Variants in CHD6 observed in about 807,000 individuals in gnomAD.
CHD6 encodes the protein chromodomain helicase DNA binding protein 6.
In CHD6, 50 loss-of-function variants were observed where a neutral mutation model predicts 276.9. That is an observed-to-expected ratio of 0.18 (90% CI 0.14 to 0.23). CHD6 has a LOEUF of 0.23. Among genes scored for constraint, CHD6 ranks in the 10% least tolerant of loss-of-function variants. CHD6 has a pLI of 1.00. For synonymous variants in CHD6, 1,173 were observed against 1,229.3 expected, an observed-to-expected ratio of 0.95 and a Z score of 0.96; for missense variants, 2,564 against 3,365.8, an observed-to-expected ratio of 0.76 and a Z score of 5.89.
chr20:41,565,376 G>A lies in CHD6; in HGVS notation c.-23-14016C>T, dbSNP rs186472612. On this transcript the variant is annotated intron_variant, in intron 1 of 36. Coordinates refer to ENST00000373233, the MANE Select transcript of CHD6 (RefSeq NM_032221.5). ...CCCAAAGTGCTGGGATTACAGGCGT[G>A]AGCCACCGCGCCCAGCTGGATTCTT... Among the ~76,000 whole-genome samples the A allele has an allele frequency of 5.3e-3, 800 of 152,308 alleles. 13 individuals are homozygous for A. Among genetic ancestry groups the A allele is most frequent in the East Asian group, 0.038 (199 of 5,178 alleles).
At chr20:41,482,260 C>T (rs971870898) in intron 16 of CHD6, among the ~76,000 whole-genome samples, 1 of 152,074 alleles carries the variant, frequency 6.6e-6, no homozygotes, top group African/African-American at 2.4e-5. Context: ...GAATTGAAAG[C>T]TACAAAACTG....
intron 1 of CHD6, among the ~76,000 whole-genome samples, chr20:41,616,367 A>C (rs2045934669): frequency 6.6e-6 from 1 of 152,258 alleles, no homozygotes; most frequent in Non-Finnish European, 1.5e-5. Flanking sequence ...GCAGAATAAA[A>C]AACGTGACTC....
intron 25 of CHD6, among the ~76,000 whole-genome samples, chr20:41,442,060 G>A (rs1439744047): frequency 2.0e-5 from 3 of 152,168 alleles, no homozygotes; most frequent in Non-Finnish European, 2.9e-5. Context: ...CTAAGCCAAT[G>A]CTAATGGGGT....
At chr20:41,485,993 T>C (rs1438344733) in intron 14 of CHD6, 1 of 152,128 alleles carries the variant, frequency 6.6e-6, no homozygotes, top group Non-Finnish European at 1.5e-5. Context: ...TATATAAATA[T>C]TAAAAAGAAG....
chr20:41,412,869 G>A (rs1231035223), intron 35 of CHD6, among the ~76,000 whole-genome samples: 1 of 152,110 alleles, frequency 6.6e-6, no homozygotes, highest in African/African-American at 2.4e-5. Flanking sequence ...TAAAACTAAG[G>A]ACAGACCGTC....
intron 31 of CHD6, among the ~76,000 whole-genome samples, chr20:41,418,909 C>T (rs1167766168): frequency 6.6e-6 from 1 of 152,210 alleles, no homozygotes; most frequent in Non-Finnish European, 1.5e-5. Flanking sequence ...GCTGACGCTG[C>T]CATCAAAGGA....
Position 41,416,656 on chromosome 20 carries a change from G to C in CHD6, c.6418C>G (p.Leu2140Val). Residue 2140 changes from leucine to valine, a missense_variant, in exon 33 of 37, where the codon CTC becomes GTC. Leu to Val is a conservative substitution (Grantham distance 32, BLOSUM62 1). This residue lies in a region of CHD6 where 1,024 missense variants were observed against 1,047.9 expected (regional missense o/e 0.98). Transcript: ENST00000373233. ...LTSSAGSRTS[L>V]SEPEAAEHSF... Reference sequence around the variant, plus strand: ...TGTTCTGCTGCTTCCGGCTCTGAGAGGCTGGTTCGAGAACCAGCACTGCTG... The same window carrying C: ...TGTTCTGCTGCTTCCGGCTCTGAGACGCTGGTTCGAGAACCAGCACTGCTG... The C allele has an allele frequency of 6.2e-7, 1 of 1,614,024 alleles. No homozygotes were observed.
chr20:41,576,231 A>C (rs971080515), intron 1 of CHD6, among the ~76,000 whole-genome samples: 1 of 152,258 alleles, frequency 6.6e-6, no homozygotes, highest in African/African-American at 2.4e-5. Context: ...CTGTAATAAT[A>C]ATTACCAAAA....
intron 27 of CHD6, among the ~76,000 whole-genome samples, chr20:41,436,486 T>A (rs1271520968): frequency 2.0e-5 from 3 of 152,130 alleles, no homozygotes; most frequent in Non-Finnish European, 2.9e-5. Context: ...CATGTAACTA[T>A]CATATGACCC....
At chr20:41,428,738 A>C (rs2047441608) in intron 27 of CHD6, among the ~76,000 whole-genome samples, 1 of 152,240 alleles carries the variant, frequency 6.6e-6, no homozygotes, top group East Asian at 1.9e-4. Flanking sequence ...TTATGGAAAG[A>C]CTGCAGAATG....
At chr20:41,551,041 A>C (rs138297602) in intron 2 of CHD6, among the ~76,000 whole-genome samples, 58 of 152,348 alleles carry the variant, frequency 3.8e-4, no homozygotes, top group African/African-American at 1.3e-3. Context: ...AAAGGGAGGA[A>C]ATGTTTCTCT....
At chr20:41,526,780 C>G (rs1189860870) in intron 3 of CHD6, among the ~76,000 whole-genome samples, 2 of 152,194 alleles carry the variant, frequency 1.3e-5, no homozygotes, top group African/African-American at 4.8e-5. Flanking sequence ...CTTACACAGG[C>G]TCCACTTTTC....
chr20:41,476,986 C>T (rs1018313113), intron 16 of CHD6, among the ~76,000 whole-genome samples: 1 of 152,022 alleles, frequency 6.6e-6, no homozygotes, highest in African/African-American at 2.4e-5. Flanking sequence ...CTTGTAACCC[C>T]AGCAATTTGG....
rs771326341 is a variant in CHD6 at position 41,415,522 on chromosome 20, G to A, written c.6603C>T (p.His2201=). ...ARGLEQFSAT[H]GHTPIILNGW... ...CATTGAGGATGATAGGGGTGTGCCCGTGGGTGGCAGAGAACTGCTCCAGGC... is the reference window on the plus strand; with the variant it reads ...CATTGAGGATGATAGGGGTGTGCCCATGGGTGGCAGAGAACTGCTCCAGGC... The change falls in exon 34 of 37, where the codon CAC becomes CAT. Residue 2201 remains histidine (H), a synonymous_variant. Transcript: ENST00000373233. 6 of 1,614,122 alleles carry A rather than the reference G, an allele frequency of 3.7e-6. No homozygotes were observed. The highest frequency in any genetic ancestry group is 4.5e-5 in the East Asian group (2 of 44,882).
intron 1 of CHD6, among the ~76,000 whole-genome samples, chr20:41,583,761 T>C (rs1481591614): frequency 1.3e-5 from 2 of 152,122 alleles, no homozygotes; most frequent in Admixed American, 6.5e-5. Context: ...GAGGAAAAAC[T>C]GGAAATATAC....
chr20:41,615,466 T>C (rs1421885823), intron 1 of CHD6, among the ~76,000 whole-genome samples: 2 of 152,192 alleles, frequency 1.3e-5, no homozygotes, highest in Non-Finnish European at 1.5e-5. Context: ...GGCAATCCTA[T>C]GGAATTCACT....
intron 1 of CHD6, among the ~76,000 whole-genome samples, chr20:41,588,448 G>A (rs929864581): frequency 8.5e-5 from 13 of 152,090 alleles, no homozygotes; most frequent in Admixed American, 8.5e-4. Context: ...AAGCCCATCA[G>A]CCCAAGCATA....
At chr20:41,575,736 CT>C (rs2045467418) in intron 1 of CHD6, among the ~76,000 whole-genome samples, 1 of 152,344 alleles carries the variant, frequency 6.6e-6, no homozygotes, top group African/African-American at 2.4e-5. Flanking sequence ...AAATTTCTCC[CT>C]TTCATTGTAT....
At chr20:41,593,053 AAAC>A (rs1210050735) in intron 1 of CHD6, among the ~76,000 whole-genome samples, 1 of 152,094 alleles carries the variant, frequency 6.6e-6, no homozygotes, top group Non-Finnish European at 1.5e-5. Context: ...TTTGTGGCAA[AAAC>A]AACAGAAAAA....
Sources: gnomAD v4.1 joint callset for allele counts (sites outside exome capture counted in the v4.1 genomes callset) on GRCh38, gnomAD v4.1.1 for gene constraint, gnomAD v4.1.1 regional missense constraint, MANE v1.5 for transcripts, NCBI Gene and HGNC (gene_info 2026-07-23, HGNC 2026-07-21) for gene names.